The following SUSD6 variants were observed in gnomAD, a reference collection of about 807,000 sequenced individuals.
SUSD6 encodes the protein sushi domain-containing protein 6.
A neutral mutation model predicts 28.4 loss-of-function variants in SUSD6; 16 were observed. The ratio of observed to expected loss-of-function variants is 0.56; its 90% CI spans 0.38 to 0.86. The LOEUF (loss-of-function observed/expected upper bound fraction) is 0.86, where lower values mean the gene tolerates loss of function less well. Among genes scored for constraint, SUSD6 ranks in the 40% least tolerant of loss-of-function variants. The pLI is 0.00. For synonymous variants in SUSD6, 147 were observed against 159.6 expected (o/e 0.92, Z 0.59); for missense variants, 341 against 384.2 (o/e 0.89, Z 0.94).
chr14:69,709,308 G>A (rs1034238182), intron 5 of SUSD6, among the ~76,000 whole-genome samples: 5 of 152,150 alleles, frequency 3.3e-5, no homozygotes, highest in Admixed American at 2.6e-4. Flanking sequence ...TTTCACTGAC[G>A]CCTGTGAATT....
chr14:69,670,074 G>A (rs1442426172), intron 2 of SUSD6, among the ~76,000 whole-genome samples: 1 of 152,198 alleles, frequency 6.6e-6, no homozygotes, highest in Admixed American at 6.5e-5. Flanking sequence ...GTTGCTGTGG[G>A]GCAGATTGGG....
At chr14:69,697,975 A>G (rs1232401140) in intron 2 of SUSD6, among the ~76,000 whole-genome samples, 1 of 152,232 alleles carries the variant, frequency 6.6e-6, no homozygotes, top group Non-Finnish European at 1.5e-5. Flanking sequence ...GGATTCTTGG[A>G]TCTCACACAA....
chr14:69,624,193 T>G (rs1301266892), intron 1 of SUSD6, among the ~76,000 whole-genome samples: 1 of 152,254 alleles, frequency 6.6e-6, no homozygotes, highest in African/African-American at 2.4e-5. Flanking sequence ...TACCATCATG[T>G]TAGAGTTGCC....
intron 1 of SUSD6, among the ~76,000 whole-genome samples, chr14:69,621,246 T>C (rs1222002390): frequency 6.6e-6 from 1 of 152,184 alleles, no homozygotes; most frequent in African/African-American, 2.4e-5. Context: ...GCAGGGTGAC[T>C]TTGAGGTTAT....
At chr14:69,618,796 C>T (rs970002928) in intron 1 of SUSD6, among the ~76,000 whole-genome samples, 1 of 152,200 alleles carries the variant, frequency 6.6e-6, no homozygotes, top group African/African-American at 2.4e-5. Context: ...ATTTGATTCT[C>T]AAATCCTAAG....
At chr14:69,681,922 A>C (rs1886002566) in intron 2 of SUSD6, among the ~76,000 whole-genome samples, 1 of 152,226 alleles carries the variant, frequency 6.6e-6, no homozygotes, top group African/African-American at 2.4e-5. Flanking sequence ...AATGTTGAAA[A>C]ATATGTTTTC....
At chr14:69,654,877 C>T (rs537950374) in intron 1 of SUSD6, among the ~76,000 whole-genome samples, 8 of 150,210 alleles carry the variant, frequency 5.3e-5, no homozygotes, top group African/African-American at 1.5e-4. Flanking sequence ...TCACCACAAC[C>T]TCCGCCTCCT....
At chr14:69,634,132 G>A (rs1158978093) in intron 1 of SUSD6, among the ~76,000 whole-genome samples, 1 of 152,216 alleles carries the variant, frequency 6.6e-6, no homozygotes, top group Admixed American at 6.5e-5. Flanking sequence ...AGGGTTCTTG[G>A]GGAATGATGG....
At chr14:69,704,082 C>T (rs1301224516) in intron 3 of SUSD6, among the ~76,000 whole-genome samples, 1 of 152,212 alleles carries the variant, frequency 6.6e-6, no homozygotes, top group South Asian at 2.1e-4. Flanking sequence ...ACTCAGGCTT[C>T]AAGACCAGAG....
intron 1 of SUSD6, among the ~76,000 whole-genome samples, chr14:69,612,809 C>T (rs1302153884): frequency 2.6e-5 from 4 of 152,148 alleles, no homozygotes; most frequent in Non-Finnish European, 5.9e-5. Context: ...TCAATTAGGC[C>T]TAGGGATTTA....
intron 2 of SUSD6, among the ~76,000 whole-genome samples, chr14:69,684,262 C>T (rs1886039671): frequency 2.0e-5 from 3 of 152,194 alleles, no homozygotes; most frequent in African/African-American, 4.8e-5. Flanking sequence ...GAAACCTTTG[C>T]TGATATTGGG....
chr14:69,700,395 T>C (rs1886296845), intron 2 of SUSD6, among the ~76,000 whole-genome samples: 1 of 152,262 alleles, frequency 6.6e-6, no homozygotes, highest in East Asian at 1.9e-4. Context: ...GCTTTTCTTA[T>C]AATGCTACCC....
chr14:69,704,476 A>G (rs1418961660), intron 3 of SUSD6, 128 bp from the exon 4 acceptor site: 2 of 868,382 alleles, frequency 2.3e-6, no homozygotes, highest in Non-Finnish European at 3.5e-6. Flanking sequence ...TATTCCTGAA[A>G]TGACCCTGAC....
At chr14:69,690,328 T>C (rs1050670803) in intron 2 of SUSD6, among the ~76,000 whole-genome samples, 2 of 152,218 alleles carry the variant, frequency 1.3e-5, no homozygotes, top group African/African-American at 4.8e-5. Context: ...GACCAATATG[T>C]ACACAGGCTA....
At chr14:69,669,236 G>A (rs1036662038) in intron 2 of SUSD6, among the ~76,000 whole-genome samples, 10 of 151,768 alleles carry the variant, frequency 6.6e-5, no homozygotes, top group Non-Finnish European at 1.3e-4. Flanking sequence ...GCTAATTTTT[G>A]TATTTTTAAT....
chr14:69,655,293 G>A (rs1198825873), intron 1 of SUSD6, among the ~76,000 whole-genome samples: 1 of 152,078 alleles, frequency 6.6e-6, no homozygotes, highest in Non-Finnish European at 1.5e-5. Flanking sequence ...TATATTGGGT[G>A]TACTATAACT....
chr14:69,657,679 T>C (rs1393012798), intron 1 of SUSD6, among the ~76,000 whole-genome samples: 1 of 152,176 alleles, frequency 6.6e-6, no homozygotes, highest in Non-Finnish European at 1.5e-5. Flanking sequence ...TTAACTGAAA[T>C]ATAATAGGCC....
intron 1 of SUSD6, among the ~76,000 whole-genome samples, chr14:69,652,670 G>A (rs1244957633): frequency 1.3e-5 from 2 of 152,124 alleles, no homozygotes; most frequent in Non-Finnish European, 2.9e-5. Context: ...GTGGACTGAG[G>A]AGATCTGGGC....
chr14:69,695,821 T>G (rs1886217313), intron 2 of SUSD6, among the ~76,000 whole-genome samples: 2 of 152,370 alleles, frequency 1.3e-5, no homozygotes, highest in African/African-American at 4.8e-5. Flanking sequence ...GCTCAGATAG[T>G]GCCTGGCCTG....
Sources: allele counts gnomAD v4.1 joint callset (sites outside exome capture counted in the v4.1 genomes callset), GRCh38; gene constraint gnomAD v4.1.1; transcripts MANE v1.5; gene names NCBI Gene and HGNC (gene_info 2026-07-23, HGNC 2026-07-21).